LTN1: variants seen among roughly 807,000 people sequenced by gnomAD.
LTN1 encodes E3 ubiquitin-protein ligase listerin.
LTN1 carries 88 observed loss-of-function variants against 201.2 expected under a neutral mutation model. The observed-to-expected ratio is 0.44, with a 90% CI of 0.37 to 0.52. The LOEUF (loss-of-function observed/expected upper bound fraction) is 0.52. Among genes scored for constraint, LTN1 ranks in the 20% least tolerant of loss-of-function variants. The pLI is 0.00. For synonymous variants in LTN1, 645 were observed against 713.5 expected (o/e 0.90, Z 1.53); for missense variants, 1,752 against 2,038.7 (o/e 0.86, Z 2.71).
At chr21:28,992,595 G>T (rs2084756225) in intron 1 of LTN1, among the ~76,000 whole-genome samples, 169 bp downstream of exon 1, 1 of 152,142 alleles carries the variant, frequency 6.6e-6, no homozygotes, top group Admixed American at 6.5e-5. Flanking sequence ...TCTGCTCAGA[G>T]ATAACACAAA....
At chr21:28,941,480 C>G in intron 24 of LTN1, 74 bp from the exon 25 acceptor site, 1 of 1,214,156 alleles carries the variant, frequency 8.2e-7, no homozygotes, top group Non-Finnish European at 1.2e-6. Context: ...TACTTGTAAA[C>G]TTCAAGCATT....
In LTN1 at chr21:28,982,416, A is replaced by G. The variant is rs146777372; in HGVS notation, c.577-48T>C. The G allele has an allele frequency of 1.8e-3, 2,402 of 1,369,084 alleles. 6 individuals carry two copies. Among genetic ancestry groups the G allele is most frequent in the Non-Finnish European group, 2.3e-3 (2,226 of 959,158 alleles). 84.8% of individuals were successfully genotyped at this position (1,369,084 alleles called of 1,614,324 possible). ...AGCCTTTGGTTTTACTGAACTGTCA[A>G]TGGTGAACAGACAGAGCCTAGTTAA... is the stretch of plus-strand genomic sequence containing the variant. On this transcript the variant is annotated intron_variant, in intron 4 of 29. Coordinates refer to ENST00000361371, the MANE Select transcript of LTN1 (RefSeq NM_015565.3).
intron 25 of LTN1, among the ~76,000 whole-genome samples, chr21:28,938,268 G>A (rs540311293): frequency 3.3e-5 from 5 of 152,218 alleles, no homozygotes; most frequent in South Asian, 2.1e-4. Context: ...AAACATGTCC[G>A]TGATCTTAGG....
At chr21:28,946,740 C>G (rs1344753293) in intron 19 of LTN1, among the ~76,000 whole-genome samples, 1 of 152,200 alleles carries the variant, frequency 6.6e-6, no homozygotes, top group Non-Finnish European at 1.5e-5. Context: ...TGTGGACTCA[C>G]TCTTTAGAAT....
At position 28,960,507 on chromosome 21, in the gene LTN1, T is replaced by G. The variant is rs778510102; in HGVS notation, c.2353+10A>C. ...TCCCCATTAGAAAACAAAAGCCATA[T>G]TTGTCCTACCATTTTTAACATGTTG... On this transcript the variant is annotated intron_variant, in intron 12 of 29. Coordinates refer to ENST00000361371, the MANE Select transcript of LTN1 (RefSeq NM_015565.3). The G allele has an allele frequency of 6.2e-7, 1 of 1,603,780 alleles. No individual in the cohort carries two copies. The highest frequency in any genetic ancestry group is 1.1e-5 in the South Asian group (1 of 89,884).
intron 13 of LTN1, 58 bp from the exon 14 acceptor site, chr21:28,958,597 C>A: frequency 6.2e-6 from 8 of 1,290,524 alleles, no homozygotes; most frequent in Non-Finnish European, 8.6e-6. Context: ...CTCATCAGCA[C>A]AAAATGTTTG....
At chr21:28,975,218 C>T (rs951279418) in intron 6 of LTN1, among the ~76,000 whole-genome samples, 1 of 151,604 alleles carries the variant, frequency 6.6e-6, no homozygotes, top group Non-Finnish European at 1.5e-5. Flanking sequence ...AAGGAAAATA[C>T]GATGAGGATG....
At chr21:28,989,365 T>C (rs1049201153) in intron 1 of LTN1, among the ~76,000 whole-genome samples, 5 of 152,182 alleles carry the variant, frequency 3.3e-5, no homozygotes, top group Non-Finnish European at 7.3e-5. Context: ...TTTTTTAATG[T>C]CTACTTTAAA....
At chr21:28,985,676 T>A (rs2084692593) in intron 3 of LTN1, among the ~76,000 whole-genome samples, 3 of 148,790 alleles carry the variant, frequency 2.0e-5, no homozygotes, top group African/African-American at 2.5e-5. Context: ...TTTTTTTTTT[T>A]AAAGACATTG....
intron 1 of LTN1, 72 bp downstream of exon 1, chr21:28,992,692 C>A: frequency 6.4e-7 from 1 of 1,572,574 alleles, no homozygotes; most frequent in Non-Finnish European, 8.7e-7. Context: ...ACACACCCTC[C>A]AGCAACGCGC....
intron 22 of LTN1, 63 bp downstream of exon 22, chr21:28,944,320 T>C: frequency 7.3e-7 from 1 of 1,365,476 alleles, no homozygotes; most frequent in Non-Finnish European, 1.0e-6. Flanking sequence ...ATTTTTGCTT[T>C]TGAATTTTTC....
intron 4 of LTN1, 147 bp downstream of exon 4, chr21:28,984,545 A>G (rs2084682347): frequency 3.8e-6 from 2 of 528,108 alleles, no homozygotes; most frequent in Non-Finnish European, 6.6e-6. Context: ...TTATTTAACT[A>G]AACAGAATTT....
chr21:28,943,121 T>C (rs536070109), intron 24 of LTN1, 141 bp downstream of exon 24: 7 of 514,452 alleles, frequency 1.4e-5, no homozygotes, highest in African/African-American at 9.9e-5. Context: ...ATTTCATTTA[T>C]ATCTTACAGA....
chr21:28,959,256 T>C (rs2084453568), intron 13 of LTN1: 3 of 517,922 alleles, frequency 5.8e-6, no homozygotes, highest in African/African-American at 1.9e-5. Flanking sequence ...GAATATCAAG[T>C]GAGATCTTTA....
At chr21:28,950,141 A>G (rs2084371077) in intron 18 of LTN1, among the ~76,000 whole-genome samples, 1 of 152,202 alleles carries the variant, frequency 6.6e-6, no homozygotes, top group Non-Finnish European at 1.5e-5. Flanking sequence ...TGAAATTTTG[A>G]TTGAGATCGC....
chr21:28,966,290 AAAC>A (rs2146297845), intron 10 of LTN1, 77 bp downstream of exon 10: 1 of 1,222,934 alleles, frequency 8.2e-7, no homozygotes, highest in Non-Finnish European at 1.1e-6. Context: ...CACAGTGAAG[AAAC>A]AACCAGAAAA....
intron 1 of LTN1, among the ~76,000 whole-genome samples, chr21:28,988,877 ATTGC>A (rs1038363316): frequency 3.3e-5 from 5 of 151,910 alleles, no homozygotes; most frequent in African/African-American, 1.2e-4. Flanking sequence ...AGGCAGGAGA[ATTGC>A]TTGAACCCAG....
chr21:28,971,344 C>T lies in LTN1; in HGVS notation c.911G>A (p.Ser304Asn), dbSNP rs1193340254. The T allele has an allele frequency of 6.2e-7, 1 of 1,613,938 alleles. No homozygotes were observed. Among genetic ancestry groups the T allele is most frequent in the East Asian group, 2.2e-5 (1 of 44,878 alleles). Residue 304 changes from serine (S) to asparagine (N), a missense_variant, in exon 7 of 30, where the codon AGC becomes AAC. Physicochemically the swap from Ser to Asn is conservative, Grantham distance 46 (BLOSUM62 1). Around this residue, in one of 3 missense-constraint regions of LTN1, gnomAD observed 280 missense variants for 375.7 expected, o/e 0.75. Transcript: ENST00000361371. ...GACAATTGGGTCACTGTCATCAATG[C>T]TAAGTAGAACTGATGGGCTCACTTT... The part of the protein sequence containing the change: ...ASKVSPSVLL[S>N]IDDSDPIVCP...
chr21:28,944,655 A>C (rs1189715640), intron 21 of LTN1, 59 bp from the exon 22 acceptor site: 1 of 1,177,406 alleles, frequency 8.5e-7, no homozygotes, highest in Non-Finnish European at 1.2e-6. Context: ...ACTACAAATA[A>C]AGCCAATATA....
Sources: gnomAD v4.1 joint callset for allele counts (sites outside exome capture counted in the v4.1 genomes callset) on GRCh38, gnomAD v4.1.1 for gene constraint, gnomAD v4.1.1 regional missense constraint, MANE v1.5 for transcripts, NCBI Gene and HGNC (gene_info 2026-07-23, HGNC 2026-07-21) for gene names.